Variants in HUNK observed in about 807,000 individuals in gnomAD.
HUNK encodes the protein hormonally up-regulated Neu-associated kinase, also known as hormonally up-regulated neu tumor-associated kinase.
HUNK carries 21 observed loss-of-function variants against 61.0 expected under a neutral mutation model. The ratio of observed to expected loss-of-function variants is 0.34; its 90% CI spans 0.24 to 0.50. The LOEUF is 0.50. Among genes scored for constraint, HUNK ranks in the 20% least tolerant of loss-of-function variants. The pLI is 0.98. For missense variants in HUNK, 772 were observed against 945.7 expected, an observed-to-expected ratio of 0.82 and a Z score of 2.41; for synonymous variants, 371 against 386.1, an observed-to-expected ratio of 0.96 and a Z score of 0.46.
chr21:31,989,594 A>G (rs2053157336), intron 8 of HUNK, among the ~76,000 whole-genome samples: 1 of 151,632 alleles, frequency 6.6e-6, no homozygotes, highest in Admixed American at 6.6e-5. Flanking sequence ...CACGCCTGTA[A>G]TCCCAGCTAC....
chr21:31,958,204 G>A (rs2123840389), intron 4 of HUNK, among the ~76,000 whole-genome samples: 1 of 152,116 alleles, frequency 6.6e-6, no homozygotes, highest in East Asian at 1.9e-4. Context: ...TCCTCAGGAG[G>A]TGGCTCCTGA....
At chr21:31,964,514 C>T (rs562388122) in intron 5 of HUNK, among the ~76,000 whole-genome samples, 2 of 152,278 alleles carry the variant, frequency 1.3e-5, no homozygotes, top group East Asian at 3.9e-4. Flanking sequence ...CAGGGTGGTA[C>T]TATTTTTCCA....
chr21:31,947,472 C>T lies in HUNK; in HGVS notation c.746+1301C>T, dbSNP rs183414113. Among the ~76,000 whole-genome samples the T allele has an allele frequency of 7.9e-5, 12 of 152,376 alleles. No individual in the cohort carries two copies. In the East Asian group the frequency reaches 2.1e-3, roughly 27 times the overall value. On this transcript the variant is annotated intron_variant, in intron 4 of 10. Coordinates refer to ENST00000270112, the MANE Select transcript of HUNK (RefSeq NM_014586.2). ...CAGGGAGTCCCCCGTACTCTGTCCTCACCCTTTTAATTTCGTTCTCGGCAC... is the reference window on the plus strand; with the variant it reads ...CAGGGAGTCCCCCGTACTCTGTCCTTACCCTTTTAATTTCGTTCTCGGCAC...
rs761886945 is a variant in HUNK at position 31,873,760 on chromosome 21, C to G, written c.86C>G (p.Ala29Gly). 1 of 1,482,754 alleles carries G rather than the reference C, an allele frequency of 6.7e-7. No homozygotes were observed. The highest frequency in any genetic ancestry group is 2.1e-5 in the Admixed American group (1 of 47,766). The allele number at this position is 1,482,754 out of a possible 1,614,324, so 91.8% of individuals were successfully genotyped here. ...GGGAEDAARP[A>G]AACEGSFLPA... The stretch of plus-strand genomic sequence containing the variant: ...GGCGCGGAGGACGCGGCCAGGCCCG[C>G]GGCGGCCTGCGAGGGAAGTTTCCTG... Residue 29 changes from alanine (A) to glycine (G), a missense_variant, in exon 1 of 11, where the codon GCG (alanine) becomes GGG (glycine). Transcript: ENST00000270112. This position sits in a 1 kb window ranked among gnomAD's most constrained non-coding sequence, Gnocchi z 6.1.
At chr21:31,972,062 C>T (rs1177276687) in intron 6 of HUNK, among the ~76,000 whole-genome samples, 1 of 152,052 alleles carries the variant, frequency 6.6e-6, no homozygotes, top group African/African-American at 2.4e-5. Flanking sequence ...AAACTCCTGG[C>T]TCCAAGCACT....
chr21:31,898,184 C>T (rs1391020996), intron 1 of HUNK, among the ~76,000 whole-genome samples: 1 of 108,654 alleles, frequency 9.2e-6, no homozygotes, highest in Non-Finnish European at 1.8e-5. Flanking sequence ...AATCCATATA[C>T]TCTGTAGTGA....
intron 4 of HUNK, among the ~76,000 whole-genome samples, chr21:31,953,770 G>C (rs765157448): frequency 1.2e-4 from 19 of 152,048 alleles, no homozygotes; most frequent in Non-Finnish European, 2.5e-4. Flanking sequence ...GAGAGAGGTG[G>C]GTCCTCTTTA....
chr21:31,923,726 T>TG (rs1024495247), intron 1 of HUNK, among the ~76,000 whole-genome samples: 3 of 152,142 alleles, frequency 2.0e-5, no homozygotes, highest in Non-Finnish European at 4.4e-5. Flanking sequence ...TCCTTCCTTC[T>TG]GTTCTTCCCT....
chr21:31,982,882 C>A (rs547221236), intron 7 of HUNK, among the ~76,000 whole-genome samples: 1 of 152,154 alleles, frequency 6.6e-6, no homozygotes, highest in Non-Finnish European at 1.5e-5. Context: ...TGGCTCACTG[C>A]AGCCTCCACC....
chr21:31,950,421 A>G (rs2052841503), intron 4 of HUNK, among the ~76,000 whole-genome samples: 1 of 152,196 alleles, frequency 6.6e-6, no homozygotes, highest in South Asian at 2.1e-4. Flanking sequence ...GTAGTCAAGT[A>G]TGATCTGTTC....
At chr21:31,877,144 G>C (rs2052269331) in intron 1 of HUNK, among the ~76,000 whole-genome samples, 1 of 152,188 alleles carries the variant, frequency 6.6e-6, no homozygotes, top group African/African-American at 2.4e-5. Context: ...CTGCTTCATA[G>C]CTGCATTCTC....
In HUNK at chr21:31,985,796, G is replaced by C. The variant is rs542782394; in HGVS notation, c.1257+2187G>C. ...GCAGAAGAGAGGTTGCATGGATTTGGGGGGTGGGAGAGGGGAAGGGAAGTC... is the reference window on the plus strand; with the variant it reads ...GCAGAAGAGAGGTTGCATGGATTTGCGGGGTGGGAGAGGGGAAGGGAAGTC... On this transcript the variant is annotated intron_variant, in intron 8 of 10. Coordinates refer to ENST00000270112, the MANE Select transcript of HUNK (RefSeq NM_014586.2). Among the ~76,000 whole-genome samples the C allele has an allele frequency of 8.0e-5, 12 of 150,342 alleles. No homozygotes were observed. The South Asian group carries it at 2.3e-3, about 29-fold the overall frequency.
intron 5 of HUNK, among the ~76,000 whole-genome samples, chr21:31,964,988 A>G (rs1166309370): frequency 1.3e-5 from 2 of 152,196 alleles, no homozygotes; most frequent in African/African-American, 2.4e-5. Flanking sequence ...CATTAACTCA[A>G]CAGCCCACCC....
At chr21:31,905,349 C>A (rs2052497854) in intron 1 of HUNK, among the ~76,000 whole-genome samples, 1 of 152,170 alleles carries the variant, frequency 6.6e-6, no homozygotes. Context: ...TGTATCCTTT[C>A]AAAATTGTAA....
intron 8 of HUNK, among the ~76,000 whole-genome samples, chr21:31,983,923 C>G (rs540195535): frequency 4.5e-4 from 68 of 152,226 alleles, no homozygotes; most frequent in African/African-American, 1.6e-3. Flanking sequence ...TTAAAGCTCC[C>G]TGGATGTTCC....
chr21:31,981,622 G>T (rs376378266), intron 7 of HUNK, among the ~76,000 whole-genome samples: 11 of 152,024 alleles, frequency 7.2e-5, no homozygotes, highest in Non-Finnish European at 1.5e-4. Flanking sequence ...TATGGCTATT[G>T]TAAGTGGCAT....
chr21:31,876,400 T>G (rs1426434833), intron 1 of HUNK, among the ~76,000 whole-genome samples: 1 of 152,234 alleles, frequency 6.6e-6, no homozygotes, highest in Non-Finnish European at 1.5e-5. Flanking sequence ...AACATTTATC[T>G]CCCAAATCCA....
chr21:31,989,713 CAA>C (rs758563763), intron 8 of HUNK, among the ~76,000 whole-genome samples: 28 of 80,306 alleles, frequency 3.5e-4, no homozygotes, highest in Middle Eastern at 7.5e-3. Flanking sequence ...GACTCGGTCT[CAA>C]AAAAAAAAAA....
At chr21:31,945,344 G>A (rs2052794822) in intron 3 of HUNK, among the ~76,000 whole-genome samples, 1 of 152,032 alleles carries the variant, frequency 6.6e-6, no homozygotes, top group East Asian at 1.9e-4. Context: ...CTCTTCCTGG[G>A]CATCTTAATC....
Sources: allele counts gnomAD v4.1 joint callset (sites outside exome capture counted in the v4.1 genomes callset), GRCh38; gene constraint gnomAD v4.1.1; non-coding constraint Gnocchi (gnomAD v3.1); transcripts MANE v1.5; gene names NCBI Gene and HGNC (gene_info 2026-07-23, HGNC 2026-07-21).